MED12L: variants seen among roughly 807,000 people sequenced by gnomAD.
The protein encoded by MED12L is mediator of RNA polymerase II transcription subunit 12-like protein.
In MED12L, 60 loss-of-function variants were observed where a neutral mutation model predicts 281.3. The ratio of observed to expected loss-of-function variants is 0.21; its 90% confidence interval spans 0.17 to 0.26. The LOEUF is 0.26. Among genes scored for constraint, MED12L ranks in the 10% least tolerant of loss-of-function variants. The pLI, the probability that MED12L is intolerant of heterozygous loss-of-function variation, is 1.00. For synonymous variants in MED12L, 974 were observed against 987.2 expected, an observed-to-expected ratio of 0.99 and a Z score of 0.25; for missense variants, 2,146 against 2,680.9, an observed-to-expected ratio of 0.80 and a Z score of 4.41.
intron 5 of MED12L, among the ~76,000 whole-genome samples, chr3:151,134,044 C>T (rs1275432631): frequency 1.3e-5 from 2 of 152,236 alleles, no homozygotes; most frequent in Non-Finnish European, 2.9e-5. Context: ...CTTATGGAAT[C>T]CCCGGTATTG....
chr3:151,247,093 AATT>A (rs1559933366), intron 16 of MED12L, among the ~76,000 whole-genome samples: 1 of 152,160 alleles, frequency 6.6e-6, no homozygotes, highest in Admixed American at 6.5e-5. Flanking sequence ...GATTGGCAAT[AATT>A]AAAAAGTCAG....
intron 5 of MED12L, among the ~76,000 whole-genome samples, chr3:151,133,413 A>C (rs1286305328): frequency 6.6e-6 from 1 of 152,216 alleles, no homozygotes. Flanking sequence ...TACCCAGTAC[A>C]CTGTATACAC....
At chr3:151,217,853 T>C (rs1228688400) in intron 16 of MED12L, among the ~76,000 whole-genome samples, 1 of 152,194 alleles carries the variant, frequency 6.6e-6, no homozygotes, top group African/African-American at 2.4e-5. Flanking sequence ...TCTTAGAGCA[T>C]GGCAGCCTTT....
chr3:151,382,430 A>G (rs983404841), intron 32 of MED12L, among the ~76,000 whole-genome samples: 2 of 152,154 alleles, frequency 1.3e-5, no homozygotes, highest in African/African-American at 4.8e-5. Context: ...TAGGCTAGCT[A>G]TATAATTATA....
rs144427638 is a variant in MED12L at position 151,429,699 on chromosome 3, C to G, written c.6409-600C>G. ...CTCTCATCTGATTCTTCCTACAGAG[C>G]CTGTATTTGCATGGCCCTGGGAATT... On this transcript the variant is annotated intron_variant, in intron 43 of 44. Coordinates refer to ENST00000687756, the MANE Select transcript of MED12L (RefSeq NM_001393769.1). Among the ~76,000 whole-genome samples, 516 of 152,238 alleles carry G rather than the reference C, an allele frequency of 3.4e-3. 12 individuals are homozygous for G. Among genetic ancestry groups the G allele is most frequent in the Admixed American group, 0.031 (477 of 15,284 alleles).
intron 16 of MED12L, among the ~76,000 whole-genome samples, chr3:151,232,061 C>T (rs1031538678): frequency 1.2e-4 from 19 of 152,232 alleles, no homozygotes; most frequent in Admixed American, 6.5e-4. Context: ...TGACAGGTAA[C>T]GAATGCCTAA....
intron 11 of MED12L, among the ~76,000 whole-genome samples, chr3:151,177,620 G>A (rs1237328624): frequency 1.3e-5 from 2 of 151,406 alleles, no homozygotes; most frequent in East Asian, 3.9e-4. Context: ...CTCCTGAGTA[G>A]CTGGGACTAC....
chr3:151,388,145 C>T lies in MED12L; in HGVS notation c.5424C>T (p.Arg1808=), dbSNP rs779596403. Residue 1808 remains arginine, a synonymous_variant, in exon 37 of 45, where the codon CGC becomes CGT. Coordinates refer to ENST00000687756, the MANE Select transcript of MED12L (RefSeq NM_001393769.1). The part of the protein sequence containing the change: ...DEEKKTKGRK[R]KTKSSSRVDE... The stretch of plus-strand genomic sequence containing the variant: ...AAAAGAAAACAAAAGGAAGGAAGCG[C>T]AAGACGAAATCTAGCTCAAGAGTTG... 11 of 1,604,698 alleles carry T rather than the reference C, an allele frequency of 6.9e-6. No individual in the cohort carries two copies. The highest frequency in any genetic ancestry group is 9.3e-6 in the Non-Finnish European group (11 of 1,178,564).
At chr3:151,400,913 T>A (rs943039995) in intron 39 of MED12L, among the ~76,000 whole-genome samples, 1 of 152,228 alleles carries the variant, frequency 6.6e-6, no homozygotes, top group African/African-American at 2.4e-5. Context: ...AGATTATTTT[T>A]TTAAAAAAAA....
intron 16 of MED12L, among the ~76,000 whole-genome samples, chr3:151,197,452 TCAC>T (rs1362395395): frequency 6.6e-6 from 1 of 152,028 alleles, no homozygotes; most frequent in Non-Finnish European, 1.5e-5. Flanking sequence ...CCGGCTGGAG[TCAC>T]CTATACTTTA....
chr3:151,428,418 A>G (rs957888276), intron 43 of MED12L, among the ~76,000 whole-genome samples: 1 of 152,200 alleles, frequency 6.6e-6, no homozygotes, highest in Non-Finnish European at 1.5e-5. Context: ...TCTAATTTGT[A>G]TTGGGGAAAA....
chr3:151,274,593 A>G (rs1030258802), intron 16 of MED12L, among the ~76,000 whole-genome samples: 28 of 152,248 alleles, frequency 1.8e-4, no homozygotes, highest in African/African-American at 6.8e-4. Flanking sequence ...TCATCTGTAC[A>G]TGCAGGGCTA....
chr3:151,245,876 G>A (rs1420862767), intron 16 of MED12L, among the ~76,000 whole-genome samples: 28 of 151,628 alleles, frequency 1.8e-4, no homozygotes, highest in African/African-American at 6.6e-4. Flanking sequence ...AAACCCCATC[G>A]TTTCAGCCCA....
chr3:151,347,771 G>A (rs1045557084), intron 16 of MED12L, among the ~76,000 whole-genome samples: 1 of 152,112 alleles, frequency 6.6e-6, no homozygotes, highest in East Asian at 1.9e-4. Context: ...CATTTTACAC[G>A]CTTTATCCCA....
chr3:151,217,277 A>G (rs1240111625), intron 16 of MED12L, among the ~76,000 whole-genome samples: 3 of 152,126 alleles, frequency 2.0e-5, no homozygotes, highest in Non-Finnish European at 4.4e-5. Context: ...CCCTTATAAA[A>G]TTATTTTCTC....
At chr3:151,374,256 T>C (rs1756546166) in intron 27 of MED12L, among the ~76,000 whole-genome samples, 1 of 152,134 alleles carries the variant, frequency 6.6e-6, no homozygotes, top group Admixed American at 6.5e-5. Flanking sequence ...GTATCAAAAA[T>C]GTACACTAGG....
chr3:151,174,270 G>T lies in MED12L; in HGVS notation c.1494+8288G>T, dbSNP rs192024877. 3.3e-5 allele frequency among the ~76,000 whole-genome samples: 5 copies of T among 152,252 alleles called. No homozygotes were observed. In the East Asian group the frequency reaches 7.7e-4, roughly 23 times the overall value. On this transcript the variant is annotated intron_variant, in intron 11 of 44. Coordinates refer to ENST00000687756, the MANE Select transcript of MED12L (RefSeq NM_001393769.1). ...TGTACTTGTTAAGGACTTTTGGAGA[G>T]ATTTTACTTTGAAATTATGGATCAG... is the stretch of plus-strand genomic sequence containing the variant.
At chr3:151,128,683 T>C (rs1437367466) in intron 5 of MED12L, among the ~76,000 whole-genome samples, 1 of 152,262 alleles carries the variant, frequency 6.6e-6, no homozygotes, top group African/African-American at 2.4e-5. Context: ...GGAGGCTTTC[T>C]CTGGCCACCT....
At chr3:151,418,956 G>A (rs1717943546) in intron 43 of MED12L, among the ~76,000 whole-genome samples, 2 of 152,076 alleles carry the variant, frequency 1.3e-5, no homozygotes, top group East Asian at 1.9e-4. Flanking sequence ...ATCAAATAAG[G>A]GTAATTGGGG....
Sources: allele counts gnomAD v4.1 joint callset (sites outside exome capture counted in the v4.1 genomes callset), GRCh38; gene constraint gnomAD v4.1.1; transcripts MANE v1.5; gene names NCBI Gene and HGNC (gene_info 2026-07-23, HGNC 2026-07-21).